Variants in FOXP1 observed in about 807,000 individuals in gnomAD.
The protein encoded by FOXP1 is forkhead box protein P1.
In FOXP1, 15 loss-of-function variants were observed where a neutral mutation model predicts 98.2. The ratio of observed to expected loss-of-function variants is 0.15; its 90% CI spans 0.10 to 0.24. FOXP1 has a LOEUF of 0.24. FOXP1 is among the 10% of genes least tolerant of loss of function. The pLI, the probability that FOXP1 is intolerant of heterozygous loss-of-function variation, is 1.00. For missense variants in FOXP1, 633 were observed against 848.5 expected (o/e 0.75, Z 3.15); for synonymous variants, 371 against 314.5 (o/e 1.18, Z -1.90).
In FOXP1 at chr3:70,955,825, C is replaced by G. The variant is rs1188928865; in HGVS notation, c.*3422G>C. ...ATCAAAAAACAGATTAACACACACG[C>G]ACGCGCGCACACACACACACACACA... On this transcript the variant is annotated 3_prime_UTR_variant, in exon 21 of 21. Coordinates refer to ENST00000649528, the MANE Select transcript of FOXP1 (RefSeq NM_001349338.3). 4.5e-6 allele frequency: 1 copy of G among 223,170 alleles called. No homozygotes were observed. The highest frequency in any genetic ancestry group is 8.5e-6 in the Non-Finnish European group (1 of 117,568). 13.8% of individuals were successfully genotyped at this position (223,170 alleles called of 1,614,324 possible).
At chr3:71,524,704 G>C (rs2043239699) in intron 2 of FOXP1, among the ~76,000 whole-genome samples, 1 of 152,174 alleles carries the variant, frequency 6.6e-6, no homozygotes, top group African/African-American at 2.4e-5. Flanking sequence ...AATTGTTCAT[G>C]TTCCGCTACA....
At chr3:71,220,954 C>A (rs2065330973) in intron 5 of FOXP1, among the ~76,000 whole-genome samples, 1 of 150,816 alleles carries the variant, frequency 6.6e-6, no homozygotes, top group Admixed American at 6.6e-5. Flanking sequence ...AACCTGTAGG[C>A]CAAGAATACT....
rs554382002 is a variant in FOXP1, at chr3:71,010,535, T to C, written c.974+5014A>G. Among the ~76,000 whole-genome samples the C allele has an allele frequency of 1.2e-4, 18 of 152,012 alleles. No individual in the cohort carries two copies. In the East Asian group the frequency reaches 3.5e-3, roughly 29 times the overall value. On this transcript the variant is annotated intron_variant, in intron 12 of 20. Coordinates refer to ENST00000649528, the MANE Select transcript of FOXP1 (RefSeq NM_001349338.3). ...TAATTATAAACTATTACTAGGGGAG[T>C]GTAAAATCAAGGGAACAGAAAATAG...
At chr3:71,047,907 C>T (rs2049250618) in intron 9 of FOXP1, among the ~76,000 whole-genome samples, 1 of 152,142 alleles carries the variant, frequency 6.6e-6, no homozygotes, top group Admixed American at 6.6e-5. Context: ...TTGTGTAAAA[C>T]ATCAATACAT....
At chr3:71,028,825 G>A (rs769127261) in intron 11 of FOXP1, among the ~76,000 whole-genome samples, 2 of 152,332 alleles carry the variant, frequency 1.3e-5, no homozygotes, top group Non-Finnish European at 2.9e-5. Flanking sequence ...GGGGTAATGG[G>A]AGACAGTGAC....
At chr3:71,087,983 T>A (rs2107578117) in intron 7 of FOXP1, among the ~76,000 whole-genome samples, 1 of 152,288 alleles carries the variant, frequency 6.6e-6, no homozygotes, top group East Asian at 1.9e-4. Flanking sequence ...ACCTCCCATG[T>A]GAATCTGGCT....
chr3:70,999,459 G>GT (rs1028314719), intron 13 of FOXP1, among the ~76,000 whole-genome samples: 1 of 151,998 alleles, frequency 6.6e-6, no homozygotes, highest in Non-Finnish European at 1.5e-5. Flanking sequence ...ATCTACTACT[G>GT]TTTTTTTCTT....
intron 6 of FOXP1, among the ~76,000 whole-genome samples, chr3:71,196,254 C>T (rs894200377): frequency 3.9e-5 from 6 of 152,198 alleles, no homozygotes; most frequent in African/African-American, 1.4e-4. Flanking sequence ...AAAGTGGACA[C>T]AGCCAAAGGA....
At chr3:71,486,720 T>C (rs968377343) in intron 3 of FOXP1, among the ~76,000 whole-genome samples, 2 of 152,218 alleles carry the variant, frequency 1.3e-5, no homozygotes, top group Admixed American at 1.3e-4. Context: ...AACAGGCAGC[T>C]CAGCAGCCTG....
intron 2 of FOXP1, among the ~76,000 whole-genome samples, chr3:71,507,946 A>T (rs2041944317): frequency 6.6e-6 from 1 of 152,252 alleles, no homozygotes; most frequent in Non-Finnish European, 1.5e-5. Flanking sequence ...AGCACATTAC[A>T]TATGCTAGGC....
intron 11 of FOXP1, among the ~76,000 whole-genome samples, chr3:71,018,785 C>G (rs2044928032): frequency 6.6e-6 from 1 of 152,168 alleles, no homozygotes; most frequent in Non-Finnish European, 1.5e-5. Context: ...AGCAGGGAAA[C>G]TCAGTTTTCA....
chr3:71,202,451 G>A (rs2063736300), intron 5 of FOXP1, among the ~76,000 whole-genome samples: 2 of 152,110 alleles, frequency 1.3e-5, no homozygotes, highest in South Asian at 4.1e-4. Flanking sequence ...TCTATCAAAC[G>A]TTCCAAGTCA....
chr3:71,282,911 C>A (rs1270950747), intron 5 of FOXP1, among the ~76,000 whole-genome samples: 1 of 152,148 alleles, frequency 6.6e-6, no homozygotes, highest in Non-Finnish European at 1.5e-5. Context: ...ACAAGCTATA[C>A]CTTCATCATG....
intron 4 of FOXP1, among the ~76,000 whole-genome samples, chr3:71,323,887 C>G (rs748086977): frequency 6.6e-6 from 1 of 152,116 alleles, no homozygotes; most frequent in African/African-American, 2.4e-5. Context: ...GGATCCTGTC[C>G]CAGCACTACC....
At chr3:71,111,687 C>A (rs944793568) in intron 7 of FOXP1, among the ~76,000 whole-genome samples, 3 of 152,210 alleles carry the variant, frequency 2.0e-5, no homozygotes, top group African/African-American at 7.2e-5. Flanking sequence ...GCGTGAGCCA[C>A]CATGCCTGGC....
chr3:71,198,560 T>C (rs1159199266), intron 5 of FOXP1, among the ~76,000 whole-genome samples, 168 bp from the exon 6 acceptor site: 1 of 152,242 alleles, frequency 6.6e-6, no homozygotes, highest in Non-Finnish European at 1.5e-5. Context: ...TAGTGGGCCA[T>C]GCCCCTAGTT....
intron 3 of FOXP1, among the ~76,000 whole-genome samples, chr3:71,422,298 A>C (rs188725208): frequency 9.1e-4 from 138 of 152,370 alleles, no homozygotes; most frequent in Non-Finnish European, 1.7e-3. Context: ...TTTCACTCCT[A>C]TTAGAAAAAC....
chr3:71,198,687 T>C (rs2063465758), intron 5 of FOXP1, among the ~76,000 whole-genome samples: 1 of 151,992 alleles, frequency 6.6e-6, no homozygotes, highest in Non-Finnish European at 1.5e-5. Flanking sequence ...CAAGATTAAA[T>C]TTTTCTTTTT....
chr3:71,489,731 C>A (rs1296711323), intron 3 of FOXP1, among the ~76,000 whole-genome samples: 1 of 152,210 alleles, frequency 6.6e-6, no homozygotes. Context: ...GCCCTTCTTT[C>A]GCTGTCTCCT....
Sources: allele counts gnomAD v4.1 joint callset (sites outside exome capture counted in the v4.1 genomes callset), GRCh38; gene constraint gnomAD v4.1.1; transcripts MANE v1.5; gene names NCBI Gene and HGNC (gene_info 2026-07-23, HGNC 2026-07-21).